Variants in SH3RF1 observed in about 807,000 individuals in gnomAD.
SH3RF1 encodes SH3 domain containing ring finger 1, also known as E3 ubiquitin-protein ligase SH3RF1.
A neutral mutation model predicts 74.0 loss-of-function variants in SH3RF1; 32 were observed. That is an observed-to-expected ratio of 0.43 (90% CI 0.33 to 0.58). The LOEUF is 0.58. SH3RF1 is among the 20% of genes least tolerant of loss of function. SH3RF1 has a pLI of 0.05. For synonymous variants in SH3RF1, 396 were observed against 439.6 expected, an observed-to-expected ratio of 0.90 and a Z score of 1.24; for missense variants, 954 against 1,130.9, an observed-to-expected ratio of 0.84 and a Z score of 2.24.
At chr4:169,181,927 T>C (rs1460309563) in intron 2 of SH3RF1, among the ~76,000 whole-genome samples, 3 of 152,224 alleles carry the variant, frequency 2.0e-5, no homozygotes, top group Admixed American at 1.3e-4. Context: ...ACATATGATA[T>C]TCTATTAGAC....
Position 169,101,663 on chromosome 4 carries a change from T to TA in SH3RF1, c.2499-4977dup, listed in dbSNP as rs1405790568. 6.4e-3 allele frequency among the ~76,000 whole-genome samples: 801 copies of TA among 125,698 alleles called. 7 individuals are homozygous for TA. Among genetic ancestry groups the TA allele is most frequent in the African/African-American group, 0.022 (740 of 33,526 alleles). 82.5% of individuals were successfully genotyped at this position (125,698 alleles called of 152,430 possible). ...ATATGAATGAATAAAATTTTTTGTT[T>TA]AAAAAAAAGGCAAAAAAAAAAAAAA... is the stretch of plus-strand genomic sequence containing the variant. On this transcript the variant is annotated intron_variant, in intron 11 of 11. Transcript: ENST00000284637.
chr4:169,136,232 G>A lies in SH3RF1; in HGVS notation c.1068+86C>T. On this transcript the variant is annotated intron_variant, in intron 5 of 11. Coordinates refer to ENST00000284637, the MANE Select transcript of SH3RF1 (RefSeq NM_020870.4). Reference sequence around the variant, plus strand: ...TCTTCAGAAGTTCAAAATAAGCAATGTTTGTCAGCCAGTGAGCAAACATGT... The same window carrying A: ...TCTTCAGAAGTTCAAAATAAGCAATATTTGTCAGCCAGTGAGCAAACATGT... 5 of 1,284,618 alleles carry A rather than the reference G, an allele frequency of 3.9e-6. No individual in the cohort carries two copies. The East Asian group carries it at 1.4e-4, about 35-fold the overall frequency. The allele number at this position is 1,284,618 out of a possible 1,614,324, so 79.6% of individuals were successfully genotyped here. A position where few individuals can be genotyped will look rare whatever the true frequency, so the allele number is the denominator to read the frequency against.
In SH3RF1 at chr4:169,121,003, T is replaced by C. The variant is rs1733428340; in HGVS notation, c.1347-14A>G. ...ATAGCAACATACCTAGAATAGAAAATAATATTTGATTTCAGGTTGAGTAAC... is the reference window on the plus strand; with the variant it reads ...ATAGCAACATACCTAGAATAGAAAACAATATTTGATTTCAGGTTGAGTAAC... On this transcript the variant is annotated splice_polypyrimidine_tract_variant and intron_variant, in intron 7 of 11. Coordinates refer to ENST00000284637, the MANE Select transcript of SH3RF1 (RefSeq NM_020870.4). 6.2e-7 allele frequency: 1 copy of C among 1,605,736 alleles called. No individual in the cohort carries two copies. Among genetic ancestry groups the C allele is most frequent in the Admixed American group, 1.7e-5 (1 of 59,908 alleles).
At chr4:169,132,480 C>A (rs1733634544) in intron 5 of SH3RF1, among the ~76,000 whole-genome samples, 1 of 152,188 alleles carries the variant, frequency 6.6e-6, no homozygotes. Context: ...CCTAGCACTG[C>A]AGCAAAGGAA....
chr4:169,215,595 T>C (rs758172361), intron 2 of SH3RF1, among the ~76,000 whole-genome samples: 3 of 152,206 alleles, frequency 2.0e-5, no homozygotes, highest in Non-Finnish European at 4.4e-5. Flanking sequence ...AGGCTATTAA[T>C]TACTGATTAA....
At chr4:169,203,267 C>G (rs191561987) in intron 2 of SH3RF1, among the ~76,000 whole-genome samples, 41 of 152,226 alleles carry the variant, frequency 2.7e-4, no homozygotes, top group African/African-American at 8.9e-4. Flanking sequence ...TATCCCAGAA[C>G]TGGCCAAGCA....
chr4:169,216,342 A>G (rs932248803), intron 2 of SH3RF1, among the ~76,000 whole-genome samples: 1 of 152,214 alleles, frequency 6.6e-6, no homozygotes, highest in Non-Finnish European at 1.5e-5. Flanking sequence ...AAGTTTAAGC[A>G]TTTAAAAATT....
chr4:169,242,657 T>C (rs1730931662), intron 2 of SH3RF1, among the ~76,000 whole-genome samples: 1 of 152,190 alleles, frequency 6.6e-6, no homozygotes, highest in African/African-American at 2.4e-5. Flanking sequence ...ATGGGCCCAA[T>C]GGGAGATGTT....
chr4:169,191,981 T>C (rs1342563911), intron 2 of SH3RF1, among the ~76,000 whole-genome samples: 1 of 152,146 alleles, frequency 6.6e-6, no homozygotes, highest in East Asian at 1.9e-4. Context: ...GACATTGGCT[T>C]AGGCAAGGAT....
intron 2 of SH3RF1, among the ~76,000 whole-genome samples, chr4:169,220,712 C>A (rs1730552021): frequency 6.6e-6 from 1 of 152,200 alleles, no homozygotes; most frequent in Non-Finnish European, 1.5e-5. Flanking sequence ...TCTATAGTTA[C>A]CACCATGCAA....
At chr4:169,247,768 A>G (rs1731027641) in intron 2 of SH3RF1, among the ~76,000 whole-genome samples, 1 of 152,168 alleles carries the variant, frequency 6.6e-6, no homozygotes, top group South Asian at 2.1e-4. Flanking sequence ...GCTAATATCC[A>G]GAATCTACAA....
intron 2 of SH3RF1, among the ~76,000 whole-genome samples, chr4:169,254,184 G>A (rs1327023482): frequency 1.3e-5 from 2 of 152,176 alleles, no homozygotes; most frequent in Non-Finnish European, 2.9e-5. Context: ...ATGGACCTTG[G>A]AATTCTGGAA....
intron 10 of SH3RF1, 65 bp downstream of exon 10, chr4:169,116,204 A>G (rs1733328384): frequency 3.3e-6 from 5 of 1,534,216 alleles, no homozygotes; most frequent in Non-Finnish European, 4.4e-6. Flanking sequence ...AATGACAGAC[A>G]CAACATAAGA....
intron 2 of SH3RF1, among the ~76,000 whole-genome samples, chr4:169,249,925 C>T (rs1049503408): frequency 2.0e-5 from 3 of 152,180 alleles, no homozygotes; most frequent in South Asian, 4.2e-4. Flanking sequence ...TCAACAGAAT[C>T]GGCCCACAAT....
chr4:169,116,885 C>G (rs1406988844), intron 9 of SH3RF1, among the ~76,000 whole-genome samples: 1 of 152,202 alleles, frequency 6.6e-6, no homozygotes, highest in African/African-American at 2.4e-5. Context: ...AGTCCCTTTA[C>G]TTAGGAGACA....
chr4:169,122,372 C>G lies in SH3RF1; in HGVS notation c.1180-106G>C, dbSNP rs561512352. The G allele has an allele frequency of 7.3e-5, 96 of 1,307,736 alleles. 1 individual carries two copies. The South Asian group carries it at 1.2e-3, about 16-fold the overall frequency. 81.0% of individuals were successfully genotyped at this position (1,307,736 alleles called of 1,614,324 possible). A position where few individuals can be genotyped will look rare whatever the true frequency, so the allele number is the denominator to read the frequency against. On this transcript the variant is annotated intron_variant, in intron 6 of 11. Transcript: ENST00000284637. ...GAAAAAGAATTATAAATCCATAGAA[C>G]AAGACTTTAATGGAATCCACACAGG...
chr4:169,147,272 C>T (rs1001642936), intron 4 of SH3RF1, among the ~76,000 whole-genome samples: 1 of 152,068 alleles, frequency 6.6e-6, no homozygotes, highest in African/African-American at 2.4e-5. Context: ...ACCTGATTAC[C>T]AGATGTAGGG....
Position 169,096,312 on chromosome 4 carries a change from A to G in SH3RF1, c.*207T>C, listed in dbSNP as rs1732928086. On this transcript the variant is annotated 3_prime_UTR_variant, in exon 12 of 12. Coordinates refer to ENST00000284637, the MANE Select transcript of SH3RF1 (RefSeq NM_020870.4). The stretch of plus-strand genomic sequence containing the variant: ...TCAGACAGTACAAGGCACACCTTAT[A>G]CATCCGAATCCAGACTAACAAAACC... 3.5e-5 allele frequency: 20 copies of G among 569,334 alleles called. 2 individuals are homozygous for G. The South Asian group carries it at 5.1e-4, about 15-fold the overall frequency. 35.3% of individuals were successfully genotyped at this position (569,334 alleles called of 1,614,324 possible).
At chr4:169,118,677 G>A (rs1733385356) in intron 8 of SH3RF1, among the ~76,000 whole-genome samples, 1 of 152,042 alleles carries the variant, frequency 6.6e-6, no homozygotes, top group African/African-American at 2.4e-5. Context: ...GGCTGGTCTC[G>A]AACTCCTGAC....
Sources: allele counts gnomAD v4.1 joint callset (sites outside exome capture counted in the v4.1 genomes callset), GRCh38; gene constraint gnomAD v4.1.1; transcripts MANE v1.5; gene names NCBI Gene and HGNC (gene_info 2026-07-23, HGNC 2026-07-21).